Variants in SSBP3 observed in about 807,000 individuals in gnomAD.
SSBP3 encodes the protein single-stranded DNA-binding protein 3.
Under a neutral mutation model 69.6 loss-of-function variants are expected in SSBP3, and 5 were observed. That is an observed-to-expected ratio of 0.07 (90% CI 0.04 to 0.15). The LOEUF (loss-of-function observed/expected upper bound fraction) is 0.15. Ranked by LOEUF, SSBP3 falls within the 10% of genes least tolerant of loss-of-function variation. The probability of loss-of-function intolerance (pLI) is 1.00; values close to 1 mark genes in which losing one functional copy is unlikely to be tolerated. For synonymous variants in SSBP3, 196 were observed against 193.4 expected (o/e 1.01, Z -0.11); for missense variants, 312 against 534.0 (o/e 0.58, Z 4.10).
chr1:54,395,564 C>T (rs950567057), intron 4 of SSBP3, among the ~76,000 whole-genome samples: 15 of 152,188 alleles, frequency 9.9e-5, no homozygotes, highest in African/African-American at 3.4e-4. Context: ...TGAGACATGA[C>T]AGCAGGGACG....
chr1:54,277,680 G>A (rs1483078051), intron 5 of SSBP3, among the ~76,000 whole-genome samples: 1 of 152,180 alleles, frequency 6.6e-6, no homozygotes, highest in Non-Finnish European at 1.5e-5. Context: ...AACAAAACAA[G>A]AAGAAAAACA....
chr1:54,242,991 G>A (rs1644667718), intron 10 of SSBP3: 3 of 510,990 alleles, frequency 5.9e-6, no homozygotes, highest in Non-Finnish European at 1.0e-5. Flanking sequence ...GCGTCATAGG[G>A]TAATCATGAA....
chr1:54,404,632 T>A (rs1065477), exon 3 of SSBP3: 3 of 1,613,396 alleles, frequency 1.9e-6, no homozygotes, highest in Non-Finnish European at 2.5e-6. Flanking sequence ...TTTTTTCCCA[T>A]CGAATCTGGA....
Position 54,227,169 on chromosome 1 carries a change from G to A in SSBP3, c.1138-9C>T. On this transcript the variant is annotated splice_polypyrimidine_tract_variant and intron_variant, in intron 17 of 17. Coordinates refer to ENST00000610401, the Ensembl canonical transcript of SSBP3. ...GTCATGCTTGGAGAATACTGGAAAGGAGAAGCAGAGAAGGGGGGGGGGTGA... is the reference window on the plus strand; with the variant it reads ...GTCATGCTTGGAGAATACTGGAAAGAAGAAGCAGAGAAGGGGGGGGGGTGA... The A allele has an allele frequency of 1.2e-6, 1 of 866,458 alleles. No individual in the cohort carries two copies. Among genetic ancestry groups the A allele is most frequent in the Non-Finnish European group, 1.7e-6 (1 of 587,994 alleles). The allele number at this position is 866,458 out of a possible 1,614,324, so 53.7% of individuals were successfully genotyped here.
At chr1:54,310,814 AC>A (rs1397264126) in intron 4 of SSBP3, among the ~76,000 whole-genome samples, 1 of 152,120 alleles carries the variant, frequency 6.6e-6, no homozygotes, top group Non-Finnish European at 1.5e-5. Flanking sequence ...AAATACCTAT[AC>A]CACCTGTGAG....
At position 54,316,663 on chromosome 1, in the gene SSBP3, AATAAATAAATAAATAAAT is replaced by A. The variant is rs1557525321; in HGVS notation, c.277-35154_277-35137del. ...ACTCCGTCTCAAAAAAAAAAAATAAAATAAATAAATAAATAAATAAATAAATAAATAAATAAATAAATA... is the reference window on the plus strand; with the variant it reads ...ACTCCGTCTCAAAAAAAAAAAATAAAAAATAAATAAATAAATAAATAAATA... On this transcript the variant is annotated intron_variant, in intron 4 of 17. Coordinates refer to ENST00000610401, the Ensembl canonical transcript of SSBP3. Among the ~76,000 whole-genome samples, 27 of 33,472 alleles carry A rather than the reference AATAAATAAATAAATAAAT, an allele frequency of 8.1e-4. 1 individual carries two copies. The highest frequency in any genetic ancestry group is 0.013 in the Middle Eastern group (1 of 80). The allele number at this position is 33,472 out of a possible 152,430, so 22.0% of individuals were successfully genotyped here.
intron 5 of SSBP3, among the ~76,000 whole-genome samples, chr1:54,262,010 C>T (rs1240279458): frequency 1.3e-5 from 2 of 151,876 alleles, no homozygotes; most frequent in African/African-American, 4.9e-5. Flanking sequence ...AACCACATCT[C>T]CTAACTCTAC....
intron 5 of SSBP3, among the ~76,000 whole-genome samples, chr1:54,280,087 C>T (rs936765489): frequency 1.3e-5 from 2 of 152,158 alleles, no homozygotes; most frequent in African/African-American, 4.8e-5. Flanking sequence ...CATCCTGCAT[C>T]CCTCTCTCTC....
intron 4 of SSBP3, among the ~76,000 whole-genome samples, chr1:54,289,614 G>T (rs911349537): frequency 1.3e-5 from 2 of 152,156 alleles, no homozygotes; most frequent in African/African-American, 4.8e-5. Flanking sequence ...GGATTAGGGG[G>T]ATCAGGGAGG....
intron 4 of SSBP3, among the ~76,000 whole-genome samples, chr1:54,327,596 G>C (rs1255209784): frequency 6.6e-6 from 1 of 152,034 alleles, no homozygotes; most frequent in Admixed American, 6.6e-5. Context: ...CTTTTTTAAT[G>C]ATTCTGCAGC....
chr1:54,234,499 G>A (rs1644452291), intron 14 of SSBP3, among the ~76,000 whole-genome samples: 1 of 152,072 alleles, frequency 6.6e-6, no homozygotes, highest in South Asian at 2.1e-4. Flanking sequence ...GTGGTGGGAG[G>A]AATCCCTTCA....
At chr1:54,283,967 C>A (rs767457187) in intron 4 of SSBP3, among the ~76,000 whole-genome samples, 12 of 152,188 alleles carry the variant, frequency 7.9e-5, no homozygotes, top group Non-Finnish European at 1.8e-4. Context: ...AACAATTACT[C>A]CTCAGCAGCA....
chr1:54,367,307 T>C (rs1192000939), intron 4 of SSBP3, among the ~76,000 whole-genome samples: 1 of 152,188 alleles, frequency 6.6e-6, no homozygotes, highest in East Asian at 1.9e-4. Context: ...GAGTCAGGCA[T>C]GATCCAGGCA....
At chr1:54,257,532 G>A (rs548715214) in intron 6 of SSBP3, among the ~76,000 whole-genome samples, 3 of 152,254 alleles carry the variant, frequency 2.0e-5, no homozygotes, top group East Asian at 3.9e-4. Flanking sequence ...GGGTAAGAAG[G>A]ACTGATACGT....
intron 4 of SSBP3, among the ~76,000 whole-genome samples, chr1:54,344,425 T>G (rs74071651): frequency 6.6e-6 from 1 of 152,178 alleles, no homozygotes; most frequent in African/African-American, 2.4e-5. Flanking sequence ...CTTTTGAGAA[T>G]GAATGATTCA....
chr1:54,321,224 C>T (rs1569798273), intron 4 of SSBP3, among the ~76,000 whole-genome samples: 1 of 152,248 alleles, frequency 6.6e-6, no homozygotes, highest in East Asian at 1.9e-4. Flanking sequence ...GGAACTCGGG[C>T]TTCACCCTGA....
At chr1:54,342,998 C>T (rs1646634532) in intron 4 of SSBP3, among the ~76,000 whole-genome samples, 1 of 152,118 alleles carries the variant, frequency 6.6e-6, no homozygotes, top group Non-Finnish European at 1.5e-5. Flanking sequence ...ACACGCCAGC[C>T]GGGACACTTT....
intron 4 of SSBP3, among the ~76,000 whole-genome samples, chr1:54,355,277 T>C (rs1393928258): frequency 6.6e-6 from 1 of 152,216 alleles, no homozygotes; most frequent in Non-Finnish European, 1.5e-5. Context: ...TTCTGGACAA[T>C]ATCTATCTGG....
intron 4 of SSBP3, among the ~76,000 whole-genome samples, chr1:54,394,788 C>A (rs915861289): frequency 6.6e-6 from 1 of 150,638 alleles, no homozygotes; most frequent in Admixed American, 6.6e-5. Flanking sequence ...CTGCAACCTC[C>A]GCCTCCTGGG....
Sources: gnomAD v4.1 joint callset for allele counts (sites outside exome capture counted in the v4.1 genomes callset) on GRCh38, gnomAD v4.1.1 for gene constraint, MANE v1.5 for transcripts, NCBI Gene and HGNC (gene_info 2026-07-23, HGNC 2026-07-21) for gene names.